Variants in GRPEL1 observed in about 807,000 individuals in gnomAD.
GRPEL1 encodes GrpE like 1, mitochondrial, also known as grpE protein homolog 1, mitochondrial.
A neutral mutation model predicts 22.1 loss-of-function variants in GRPEL1; 13 were observed. That is an observed-to-expected ratio of 0.59 (90% CI 0.38 to 0.94). The LOEUF (loss-of-function observed/expected upper bound fraction) is 0.94. Among genes scored for constraint, GRPEL1 ranks in the 40% least tolerant of loss-of-function variants. The pLI, the probability that GRPEL1 is intolerant of heterozygous loss-of-function variation, is 0.00. For missense variants in GRPEL1, 289 were observed against 264.6 expected (o/e 1.09, Z -0.64); for synonymous variants, 109 against 105.3 (o/e 1.03, Z -0.21).
intron 3 of GRPEL1, chr4:7,061,580 T>A (rs941057065): frequency 4.6e-6 from 1 of 215,976 alleles, no homozygotes; most frequent in Non-Finnish European, 9.4e-6. Flanking sequence ...CGTAAGAGTA[T>A]GTAAGTCACC....
intron 1 of GRPEL1, 127 bp from the exon 2 acceptor site, chr4:7,064,350 G>T: frequency 1.1e-6 from 1 of 916,190 alleles, no homozygotes; most frequent in South Asian, 1.8e-5. Flanking sequence ...AAACATTTCT[G>T]TTAGATCTAA....
intron 2 of GRPEL1, 65 bp downstream of exon 2, chr4:7,063,994 CTT>C: frequency 1.5e-5 from 23 of 1,517,122 alleles, no homozygotes; most frequent in Non-Finnish European, 2.1e-5. Context: ...AACCTGGAAC[CTT>C]TATGTGGCCC....
intron 1 of GRPEL1, chr4:7,067,529 CACCCG>C (rs1334157348): frequency 3.0e-5 from 6 of 200,278 alleles, no homozygotes; most frequent in Non-Finnish European, 4.1e-5. Flanking sequence ...GCCCAGGGCA[CACCCG>C]GCCCGGCTCG....
At chr4:7,065,688 C>T (rs1421320093) in intron 1 of GRPEL1, among the ~76,000 whole-genome samples, 2 of 152,002 alleles carry the variant, frequency 1.3e-5, no homozygotes, top group Non-Finnish European at 2.9e-5. Flanking sequence ...ATAGATGCAG[C>T]TTCAGGAAGA....
Position 7,060,718 on chromosome 4 carries a change from C to A in GRPEL1, c.*144G>T, listed in dbSNP as rs149780060. The stretch of plus-strand genomic sequence containing the variant: ...GAGTTCATTAATGCAGTTGGGCAAC[C>A]GGCTTTTCTGTTTAGCCACTGGTTA... On this transcript the variant is annotated 3_prime_UTR_variant, in exon 4 of 4. Coordinates refer to ENST00000264954, the MANE Select transcript of GRPEL1 (RefSeq NM_025196.4). 2.7e-6 allele frequency: 2 copies of A among 747,858 alleles called. No homozygotes were observed. Among genetic ancestry groups the A allele is most frequent in the African/African-American group, 1.7e-5 (1 of 57,180 alleles). 46.3% of individuals were successfully genotyped at this position (747,858 alleles called of 1,614,324 possible).
At chr4:7,067,421 G>C (rs577510448) in intron 1 of GRPEL1, 1 of 155,198 alleles carries the variant, frequency 6.4e-6, no homozygotes, top group East Asian at 1.9e-4. Context: ...GAAAAAGCCC[G>C]TGAACGGGCA....
rs10937784 is a variant in GRPEL1 at position 7,059,208 on chromosome 4, G to C, written c.*1654C>G. 0.69 allele frequency: 105,714 copies of C among 152,142 alleles called. 37,905 individuals are homozygous for C. Among genetic ancestry groups the C allele is most frequent in the South Asian group, 0.8 (3,842 of 4,824 alleles). 9.4% of individuals were successfully genotyped at this position (152,142 alleles called of 1,614,324 possible). A position where few individuals can be genotyped will look rare whatever the true frequency, so the allele number is the denominator to read the frequency against. The stretch of plus-strand genomic sequence containing the variant: ...AAGTTTGAAACAATTCTGGTTCTAA[G>C]CATTTCAGATGATAACCAACTTATA... On this transcript the variant is annotated 3_prime_UTR_variant, in exon 4 of 4. Transcript: ENST00000264954.
chr4:7,060,045 T>A lies in GRPEL1; in HGVS notation c.*817A>T, dbSNP rs1274527129. 6.6e-6 allele frequency: 1 copy of A among 152,206 alleles called. No homozygotes were observed. Among genetic ancestry groups the A allele is most frequent in the East Asian group, 1.9e-4 (1 of 5,200 alleles). The allele number at this position is 152,206 out of a possible 1,614,324, so 9.4% of individuals were successfully genotyped here. ...CTCCATGAGAGGACACAAAATTGTT[T>A]TCAGAAAGTAGGAAAATAAACATTA... On this transcript the variant is annotated 3_prime_UTR_variant, in exon 4 of 4. Transcript: ENST00000264954.
rs1372182917 is a variant in GRPEL1, at chr4:7,064,078, G to T, written c.208C>A (p.Gln70Lys). 1 of 1,614,148 alleles carries T rather than the reference G, an allele frequency of 6.2e-7. No homozygotes were observed. The highest frequency in any genetic ancestry group is 8.5e-7 in the Non-Finnish European group (1 of 1,179,996). Residue 70 changes from glutamine (Q) to lysine (K), a missense_variant, in exon 2 of 4, where the codon CAG (glutamine) becomes AAG (lysine). Physicochemically the swap from Gln to Lys is moderately conservative, Grantham distance 53. Coordinates refer to ENST00000264954, the MANE Select transcript of GRPEL1 (RefSeq NM_025196.4). ...LLEEKVKLEE[Q>K]LKETVEKYKR... ...GTCCTCACCACAGTCTCCTTCAGCT[G>T]TTCCTCCAACTTGACCTTCTCTTCC...
intron 1 of GRPEL1, among the ~76,000 whole-genome samples, chr4:7,065,757 T>C (rs192965322): frequency 2.4e-4 from 36 of 151,648 alleles, no homozygotes; most frequent in Admixed American, 7.2e-4. Context: ...ACCGGTGAAA[T>C]AGACCAAGAC....
chr4:7,065,215 G>T (rs1246657815), intron 1 of GRPEL1, among the ~76,000 whole-genome samples: 1 of 152,178 alleles, frequency 6.6e-6, no homozygotes, highest in Non-Finnish European at 1.5e-5. Flanking sequence ...ACAGTAATTT[G>T]TGATTTAAAA....
intron 1 of GRPEL1, chr4:7,067,498 A>G (rs553735630): frequency 1.2e-5 from 2 of 162,362 alleles, no homozygotes; most frequent in Admixed American, 6.5e-5. Flanking sequence ...TGCGGCACGG[A>G]AATGAGTAAC....
In GRPEL1 at chr4:7,059,333, T is replaced by C. The variant is rs2108789567; in HGVS notation, c.*1529A>G. 1 of 152,358 alleles carries C rather than the reference T, an allele frequency of 6.6e-6. No homozygotes were observed. The highest frequency in any genetic ancestry group is 6.5e-5 in the Admixed American group (1 of 15,308). The allele number at this position is 152,358 out of a possible 1,614,324, so 9.4% of individuals were successfully genotyped here. ...TTAAGTGCTTTTTAGCAACTGCAGC[T>C]GTAGTTGAGACGGTAGGAGACTGCA... On this transcript the variant is annotated 3_prime_UTR_variant, in exon 4 of 4. Coordinates refer to ENST00000264954, the MANE Select transcript of GRPEL1 (RefSeq NM_025196.4).
chr4:7,064,403 A>G (rs1724113987), intron 1 of GRPEL1, 180 bp from the exon 2 acceptor site: 1 of 539,184 alleles, frequency 1.9e-6, no homozygotes, highest in African/African-American at 1.9e-5. Flanking sequence ...ATATTAGTAA[A>G]TATAAAAGCT....
chr4:7,061,420 C>T (rs753063857), intron 3 of GRPEL1: 1 of 541,360 alleles, frequency 1.8e-6, no homozygotes, highest in Non-Finnish European at 3.3e-6. Context: ...ATTTAGAATT[C>T]ACTAAAATGT....
intron 2 of GRPEL1, among the ~76,000 whole-genome samples, chr4:7,063,215 G>C (rs1274208270): frequency 6.6e-6 from 1 of 151,456 alleles, no homozygotes; most frequent in East Asian, 1.9e-4. Flanking sequence ...TCAGCCTCCT[G>C]GGTTGCTGGG....
chr4:7,060,229 A>G lies in GRPEL1; in HGVS notation c.*633T>C, dbSNP rs1724005967. On this transcript the variant is annotated 3_prime_UTR_variant, in exon 4 of 4. Coordinates refer to ENST00000264954, the MANE Select transcript of GRPEL1 (RefSeq NM_025196.4). The stretch of plus-strand genomic sequence containing the variant: ...ATGATTTAAATATGTCTGCATTTAG[A>G]TGAACAGAACAGGGTAAAAGGAACT... 1 of 152,348 alleles carries G rather than the reference A, an allele frequency of 6.6e-6. No individual in the cohort carries two copies. Among genetic ancestry groups the G allele is most frequent in the South Asian group, 2.1e-4 (1 of 4,838 alleles). The allele number at this position is 152,348 out of a possible 1,614,324, so 9.4% of individuals were successfully genotyped here.
At chr4:7,066,227 G>A (rs1388733011) in intron 1 of GRPEL1, among the ~76,000 whole-genome samples, 2 of 152,226 alleles carry the variant, frequency 1.3e-5, no homozygotes, top group Non-Finnish European at 2.9e-5. Context: ...CCAGCACACA[G>A]AACTCAGTCA....
chr4:7,063,160 G>A (rs919999457), intron 2 of GRPEL1, among the ~76,000 whole-genome samples: 1 of 151,278 alleles, frequency 6.6e-6, no homozygotes, highest in Non-Finnish European at 1.5e-5. Flanking sequence ...TGTAATCTCG[G>A]CTCACTGCAG....
Sources: allele counts gnomAD v4.1 joint callset (sites outside exome capture counted in the v4.1 genomes callset), GRCh38; gene constraint gnomAD v4.1.1; transcripts MANE v1.5; gene names NCBI Gene and HGNC (gene_info 2026-07-23, HGNC 2026-07-21).